Variants in TENM2 observed in about 807,000 individuals in gnomAD.
The protein encoded by TENM2 is teneurin transmembrane protein 2.
TENM2 carries 52 observed loss-of-function variants against 245.2 expected under a neutral mutation model. That is an observed-to-expected ratio of 0.21 (90% confidence interval 0.17 to 0.27). The LOEUF (loss-of-function observed/expected upper bound fraction) is 0.27. Among genes scored for constraint, TENM2 ranks in the 10% least tolerant of loss-of-function variants. The pLI is 1.00. For synonymous variants in TENM2, 1,363 were observed against 1,438.9 expected, an observed-to-expected ratio of 0.95 and a Z score of 1.19; for missense variants, 3,046 against 3,666.8, an observed-to-expected ratio of 0.83 and a Z score of 4.37.
intron 5 of TENM2, among the ~76,000 whole-genome samples, chr5:168,007,943 T>A (rs1046965024): frequency 6.0e-4 from 92 of 152,362 alleles, no homozygotes; most frequent in African/African-American, 2.1e-3. Context: ...GATGATACCT[T>A]TTTCATAGTC....
At chr5:167,808,706 T>A (rs1766412870) in intron 2 of TENM2, among the ~76,000 whole-genome samples, 1 of 152,220 alleles carries the variant, frequency 6.6e-6, no homozygotes, top group Non-Finnish European at 1.5e-5. Flanking sequence ...TGGGTTGTTT[T>A]GTTTTGTTTT....
Position 167,450,727 on chromosome 5 carries a change from T to G in TENM2, c.502+75254T>G, listed in dbSNP as rs1354567378. Among the ~76,000 whole-genome samples the G allele has an allele frequency of 1.2e-4, 18 of 152,162 alleles. 1 individual carries two copies. The highest frequency in any genetic ancestry group is 2.9e-5 in the Non-Finnish European group (2 of 68,022). On this transcript the variant is annotated intron_variant, in intron 2 of 28. Transcript: ENST00000518659. ...TCAGCTCACAAGGAAGCCTCAGGTTTAAATCAGCATGTATGTTCTCAACTT... is the reference window on the plus strand; with the variant it reads ...TCAGCTCACAAGGAAGCCTCAGGTTGAAATCAGCATGTATGTTCTCAACTT...
At chr5:167,184,031 T>G in the TENM2 span, among the ~76,000 whole-genome samples, 1 of 152,328 alleles carries the variant, frequency 6.6e-6, no homozygotes, top group East Asian at 1.9e-4. Context: ...AAACATACGT[T>G]ATTTTTAGAT....
At chr5:167,463,563 A>G (rs780642350) in intron 2 of TENM2, among the ~76,000 whole-genome samples, 3 of 151,918 alleles carry the variant, frequency 2.0e-5, no homozygotes, top group Non-Finnish European at 2.9e-5. Flanking sequence ...TAATGGTGCA[A>G]TCTTGGCTCA....
chr5:167,632,815 C>T (rs537214031), intron 2 of TENM2, among the ~76,000 whole-genome samples: 2 of 152,132 alleles, frequency 1.3e-5, no homozygotes, highest in Admixed American at 6.5e-5. Flanking sequence ...AAGGAAATGC[C>T]CTGCTCTCGA....
chr5:167,095,814 A>G, the TENM2 span, among the ~76,000 whole-genome samples: 8 of 145,742 alleles, frequency 5.5e-5, no homozygotes, highest in African/African-American at 1.5e-4. Context: ...CTTGTTGTCC[A>G]GACTGGAGTG....
At chr5:168,228,023 C>T (rs371071052) in exon 25 of TENM2, 36 of 1,613,726 alleles carry the variant, frequency 2.2e-5, no homozygotes, top group South Asian at 8.8e-5. Context: ...CACCATTGGA[C>T]GCTGCAACAT....
chr5:168,147,909 G>A (rs912278510), intron 12 of TENM2, among the ~76,000 whole-genome samples: 11 of 152,180 alleles, frequency 7.2e-5, no homozygotes, highest in Non-Finnish European at 1.6e-4. Flanking sequence ...GCTAAATGCT[G>A]GTGGTATGGA....
chr5:167,714,019 A>T (rs1245746750), intron 2 of TENM2, among the ~76,000 whole-genome samples: 3 of 152,210 alleles, frequency 2.0e-5, no homozygotes, highest in Non-Finnish European at 2.9e-5. Context: ...TGAATAGAAG[A>T]AACATCAAAT....
intron 2 of TENM2, among the ~76,000 whole-genome samples, chr5:167,694,837 A>G (rs368060864): frequency 1.3e-5 from 2 of 152,186 alleles, no homozygotes; most frequent in African/African-American, 2.4e-5. Context: ...TAATGTTTAC[A>G]TGCAGAAAAA....
intron 2 of TENM2, among the ~76,000 whole-genome samples, chr5:167,613,671 A>G (rs1197050128): frequency 6.6e-6 from 1 of 152,106 alleles, no homozygotes; most frequent in Non-Finnish European, 1.5e-5. Flanking sequence ...AGCCAAGTTT[A>G]TGCTCGACCA....
At chr5:167,704,743 G>T (rs1489912947) in intron 2 of TENM2, among the ~76,000 whole-genome samples, 2 of 152,182 alleles carry the variant, frequency 1.3e-5, no homozygotes, top group East Asian at 1.9e-4. Flanking sequence ...TGATGGAGTT[G>T]AAAGAATCAG....
At chr5:167,478,721 T>C (rs1767557236) in intron 2 of TENM2, among the ~76,000 whole-genome samples, 1 of 152,212 alleles carries the variant, frequency 6.6e-6, no homozygotes. Context: ...AGCACAGCTA[T>C]GGAAGATATT....
chr5:167,841,286 A>G (rs1325287750), intron 2 of TENM2, among the ~76,000 whole-genome samples: 3 of 152,128 alleles, frequency 2.0e-5, no homozygotes, highest in Non-Finnish European at 2.9e-5. Flanking sequence ...CTCGAACCTG[A>G]CCTCAGGTGA....
chr5:167,011,410 T>C, the TENM2 span, among the ~76,000 whole-genome samples: 59,979 of 152,092 alleles, frequency 0.39, 12,143 homozygotes, highest in Non-Finnish European at 0.46. Flanking sequence ...CCTAAATGTC[T>C]GGATTTTATT....
chr5:167,174,211 A>G, the TENM2 span, among the ~76,000 whole-genome samples: 1 of 152,120 alleles, frequency 6.6e-6, no homozygotes, highest in Non-Finnish European at 1.5e-5. Context: ...AACAACAATA[A>G]TGGAAACATA....
the TENM2 span, among the ~76,000 whole-genome samples, chr5:166,980,500 A>G: frequency 6.6e-6 from 1 of 152,176 alleles, no homozygotes; most frequent in Non-Finnish European, 1.5e-5. Context: ...TTAATATACA[A>G]CAGCTCTTTA....
chr5:167,611,938 G>A (rs1777502526), intron 2 of TENM2, among the ~76,000 whole-genome samples: 1 of 152,038 alleles, frequency 6.6e-6, no homozygotes, highest in African/African-American at 2.4e-5. Flanking sequence ...TCAGACCATA[G>A]CAAATGATAA....
chr5:167,978,951 GT>G (rs1782637229), intron 4 of TENM2, among the ~76,000 whole-genome samples: 2 of 152,054 alleles, frequency 1.3e-5, no homozygotes, highest in South Asian at 4.2e-4. Flanking sequence ...TCCTAGAAAG[GT>G]GCCAGGAAAA....
Sources: allele counts gnomAD v4.1 joint callset (sites outside exome capture counted in the v4.1 genomes callset), GRCh38; gene constraint gnomAD v4.1.1; transcripts MANE v1.5; gene names NCBI Gene and HGNC (gene_info 2026-07-23, HGNC 2026-07-21).